Variants in EGF observed in about 807,000 individuals in gnomAD.
The protein encoded by EGF is epidermal growth factor, also known as pro-epidermal growth factor.
EGF carries 95 observed loss-of-function variants against 143.8 expected under a neutral mutation model. The observed-to-expected ratio is 0.66, with a 90% CI of 0.56 to 0.78. EGF has a LOEUF of 0.78. EGF is among the 30% of genes least tolerant of loss of function. The pLI is 0.00. For synonymous variants in EGF, 510 were observed against 510.5 expected (o/e 1.00, Z 0.01); for missense variants, 1,320 against 1,470.9 (o/e 0.90, Z 1.68).
chr4:110,008,013 T>G, intron 22 of EGF, 139 bp from the exon 23 acceptor site: 1 of 792,606 alleles, frequency 1.3e-6, no homozygotes, highest in South Asian at 1.5e-5. Flanking sequence ...ATAGAAAGAC[T>G]AACTTCACAG....
chr4:109,939,127 G>A (rs940580803), intron 1 of EGF, among the ~76,000 whole-genome samples: 1 of 152,232 alleles, frequency 6.6e-6, no homozygotes, highest in Non-Finnish European at 1.5e-5. Flanking sequence ...TGCCTCCAGA[G>A]GTGGAATCTA....
chr4:109,972,013 A>T (rs1373240748), intron 11 of EGF, among the ~76,000 whole-genome samples: 1 of 152,136 alleles, frequency 6.6e-6, no homozygotes, highest in Non-Finnish European at 1.5e-5. Context: ...CTATTTATTC[A>T]TTCTTTTGAG....
intron 10 of EGF, among the ~76,000 whole-genome samples, chr4:109,966,207 C>T (rs931943296): frequency 5.9e-5 from 9 of 151,994 alleles, no homozygotes; most frequent in Non-Finnish European, 2.9e-5. Context: ...CCCCTGCACC[C>T]TCCCACCCTT....
intron 5 of EGF, among the ~76,000 whole-genome samples, chr4:109,949,458 G>A (rs1001551949): frequency 1.3e-5 from 2 of 152,146 alleles, no homozygotes; most frequent in African/African-American, 2.4e-5. Flanking sequence ...GTTCAATAAA[G>A]TTGAATGAGT....
Position 109,952,910 on chromosome 4 carries a change from G to C in EGF, c.941-6402G>C, listed in dbSNP as rs57656325. Among the ~76,000 whole-genome samples, 1,198 of 152,278 alleles carry C rather than the reference G, an allele frequency of 7.9e-3. 15 individuals are homozygous for C. The highest frequency in any genetic ancestry group is 0.027 in the African/African-American group (1,137 of 41,554). On this transcript the variant is annotated intron_variant, in intron 5 of 23. Coordinates refer to ENST00000265171, the MANE Select transcript of EGF (RefSeq NM_001963.6). ...TCTCACATCTTGCAGGTTTTCACAT[G>C]CCTGGCTGTGGCCTCTGTTTATTTT...
At chr4:109,954,669 TA>T (rs372049509) in intron 5 of EGF, among the ~76,000 whole-genome samples, 5 of 152,216 alleles carry the variant, frequency 3.3e-5, no homozygotes, top group African/African-American at 1.2e-4. Flanking sequence ...GCCACGTTTT[TA>T]TAGACATTTC....
chr4:109,932,527 C>T (rs1395320730), intron 1 of EGF, among the ~76,000 whole-genome samples: 1 of 150,674 alleles, frequency 6.6e-6, no homozygotes, highest in Admixed American at 6.6e-5. Context: ...TACAGGCGCT[C>T]GCCACCATGC....
chr4:109,921,981 T>G (rs1284475576), intron 1 of EGF, among the ~76,000 whole-genome samples: 1 of 151,512 alleles, frequency 6.6e-6, no homozygotes, highest in African/African-American at 2.5e-5. Flanking sequence ...TTTAAAAACA[T>G]GCTGAAGGGT....
At chr4:110,002,709 C>T (rs1387509700) in intron 21 of EGF, among the ~76,000 whole-genome samples, 1 of 151,622 alleles carries the variant, frequency 6.6e-6, no homozygotes, top group Non-Finnish European at 1.5e-5. Context: ...AGGTTTGTTA[C>T]ACAGGTAAAC....
Position 109,983,456 on chromosome 4 carries a change from A to T in EGF, c.2406A>T (p.Pro802=). The T allele has an allele frequency of 6.2e-7, 1 of 1,613,704 alleles. No homozygotes were observed. The highest frequency in any genetic ancestry group is 8.5e-7 in the Non-Finnish European group (1 of 1,179,724). Residue 802 remains proline (P), a synonymous_variant, in exon 16 of 24, where the codon CCA becomes CCT. Transcript: ENST00000265171. ...GEVDLKNQVT[P]LDILSKTRVS... is the part of the protein sequence containing the mutation. ...TTGATCTAAAGAACCAAGTAACACC[A>T]TTGGACATCTTGTCCAAGACTAGAG... is the stretch of plus-strand genomic sequence containing the variant.
In EGF at chr4:109,979,986, G is replaced by A. The variant is rs755934636; in HGVS notation, c.2068G>A (p.Val690Ile). The stretch of plus-strand genomic sequence containing the variant: ...ATTGTTTCCAGGTCACCCATTTGCT[G>A]TAGCAGTGTTTGAGGATTATGTGTG... ...TQNDVGHPFA[V>I]AVFEDYVWFS... The change falls in exon 14 of 24, where the codon GTA becomes ATA. Residue 690 changes from valine (V) to isoleucine (I), a missense_variant. Around this residue, in one of 5 missense-constraint regions of EGF, gnomAD observed 1,186 missense variants for 1,313.7 expected, o/e 0.90. Coordinates refer to ENST00000265171, the MANE Select transcript of EGF (RefSeq NM_001963.6). 60 of 1,613,910 alleles carry A rather than the reference G, an allele frequency of 3.7e-5. No homozygotes were observed. Among genetic ancestry groups the A allele is most frequent in the Non-Finnish European group, 4.9e-5 (58 of 1,179,920 alleles).
intron 23 of EGF, among the ~76,000 whole-genome samples, chr4:110,010,004 G>T (rs1453510498): frequency 1.3e-5 from 2 of 152,176 alleles, no homozygotes; most frequent in African/African-American, 2.4e-5. Flanking sequence ...GGAGGCCAAG[G>T]TGGGCAGATC....
At chr4:109,930,879 T>C (rs983925269) in intron 1 of EGF, among the ~76,000 whole-genome samples, 3 of 152,254 alleles carry the variant, frequency 2.0e-5, no homozygotes, top group African/African-American at 7.2e-5. Flanking sequence ...TCTGAACTCC[T>C]TTCTAATTCC....
chr4:110,010,967 G>C (rs1315349602), intron 23 of EGF, among the ~76,000 whole-genome samples: 1 of 152,020 alleles, frequency 6.6e-6, no homozygotes, highest in African/African-American at 2.4e-5. Context: ...CCTGAGCCTA[G>C]GAGGAAGAGG....
Position 109,973,475 on chromosome 4 carries a change from G to C in EGF, c.1725-1228G>C, listed in dbSNP as rs538286803. On this transcript the variant is annotated intron_variant, in intron 11 of 23. Transcript: ENST00000265171. ...AGGAATCCTTCTCTGATCCCTGCTT[G>C]GCTGGGCTACCCACTCTGTCACCCT... Among the ~76,000 whole-genome samples, 3 of 152,100 alleles carry C rather than the reference G, an allele frequency of 2.0e-5. No individual in the cohort carries two copies. The East Asian group carries it at 5.8e-4, about 29-fold the overall frequency.
intron 10 of EGF, among the ~76,000 whole-genome samples, chr4:109,967,117 T>G (rs981170110): frequency 6.6e-6 from 1 of 152,182 alleles, no homozygotes; most frequent in Non-Finnish European, 1.5e-5. Flanking sequence ...TTTCTTTGCC[T>G]AGGCAAATGT....
At chr4:109,997,310 A>G (rs959420981) in intron 20 of EGF, among the ~76,000 whole-genome samples, 2 of 152,140 alleles carry the variant, frequency 1.3e-5, no homozygotes, top group Non-Finnish European at 1.5e-5. Flanking sequence ...GAGGTTCAGA[A>G]TCTTGTAGCC....
chr4:109,978,513 A>G (rs999988494), intron 13 of EGF, among the ~76,000 whole-genome samples: 1 of 152,204 alleles, frequency 6.6e-6, no homozygotes, highest in Non-Finnish European at 1.5e-5. Flanking sequence ...TACAATTCCA[A>G]TTATTTGAGG....
intron 5 of EGF, among the ~76,000 whole-genome samples, chr4:109,950,629 G>GT (rs1266713703): frequency 6.6e-6 from 1 of 152,090 alleles, no homozygotes; most frequent in Non-Finnish European, 1.5e-5. Context: ...TCTCACCCTT[G>GT]TTTATATTAC....
Sources: gnomAD v4.1 joint callset for allele counts (sites outside exome capture counted in the v4.1 genomes callset) on GRCh38, gnomAD v4.1.1 for gene constraint, gnomAD v4.1.1 regional missense constraint, MANE v1.5 for transcripts, NCBI Gene and HGNC (gene_info 2026-07-23, HGNC 2026-07-21) for gene names.